The following CCDC148 variants were observed in gnomAD, a reference collection of about 807,000 sequenced individuals.
CCDC148 encodes the protein coiled-coil domain containing 148.
A neutral mutation model predicts 85.7 loss-of-function variants in CCDC148; 89 were observed. The ratio of observed to expected loss-of-function variants is 1.04; its 90% CI spans 0.87 to 1.24. CCDC148 has a LOEUF of 1.24. Among genes scored for constraint, CCDC148 ranks in the 50% most tolerant of loss-of-function variants. The pLI, the probability that CCDC148 is intolerant of heterozygous loss-of-function variation, is 0.00. For synonymous variants in CCDC148, 230 were observed against 213.9 expected (o/e 1.08, Z -0.66); for missense variants, 692 against 671.7 (o/e 1.03, Z -0.33).
At chr2:158,450,967 A>G (rs1688383274) in intron 1 of CCDC148, among the ~76,000 whole-genome samples, 1 of 152,138 alleles carries the variant, frequency 6.6e-6, no homozygotes, top group African/African-American at 2.4e-5. Flanking sequence ...CACAAGTCCC[A>G]GCAGCTTTGT....
chr2:158,224,861 A>G (rs1687412822), intron 10 of CCDC148, among the ~76,000 whole-genome samples: 1 of 152,158 alleles, frequency 6.6e-6, no homozygotes, highest in South Asian at 2.1e-4. Context: ...GCCAAATTGT[A>G]AAGACCATCG....
chr2:158,177,710 T>C (rs1684664066), intron 12 of CCDC148, among the ~76,000 whole-genome samples: 2 of 152,146 alleles, frequency 1.3e-5, no homozygotes, highest in Admixed American at 6.6e-5. Flanking sequence ...TACATTCCTA[T>C]GCTTTAAATT....
chr2:158,190,249 A>T (rs1434952076), intron 11 of CCDC148, among the ~76,000 whole-genome samples: 1 of 151,980 alleles, frequency 6.6e-6, no homozygotes, highest in African/African-American at 2.4e-5. Context: ...TTTTGGAGGG[A>T]CAGCACAGGC....
At position 158,393,806 on chromosome 2, in the gene CCDC148, T is replaced by G. The variant is rs144380517; in HGVS notation, c.26-35236A>C. Among the ~76,000 whole-genome samples, 1,019 of 152,256 alleles carry G rather than the reference T, an allele frequency of 6.7e-3. 15 individuals carry two copies. The highest frequency in any genetic ancestry group is 0.023 in the African/African-American group (972 of 41,570). ...AAGACATTGCTATAGATAACCTTTC[T>G]TGGGAACTAAATAAATGGGTCTTTT... On this transcript the variant is annotated intron_variant, in intron 1 of 13. Coordinates refer to ENST00000283233, the MANE Select transcript of CCDC148 (RefSeq NM_138803.4).
intron 1 of CCDC148, among the ~76,000 whole-genome samples, chr2:158,414,877 C>T (rs1171572565): frequency 6.6e-6 from 1 of 152,148 alleles, no homozygotes; most frequent in Non-Finnish European, 1.5e-5. Context: ...TACATCCAAA[C>T]CCTGTGGTAT....
chr2:158,310,736 A>G (rs1691954805), intron 8 of CCDC148, among the ~76,000 whole-genome samples: 1 of 146,018 alleles, frequency 6.8e-6, no homozygotes, highest in African/African-American at 2.6e-5. Context: ...GCGGCCGGGC[A>G]GAGGCACTCC....
At chr2:158,456,312 C>T (rs1421014950) in intron 1 of CCDC148, 103 bp downstream of exon 1, 1 of 1,180,276 alleles carries the variant, frequency 8.5e-7, no homozygotes, top group Non-Finnish European at 1.2e-6. Context: ...AGATCCACCC[C>T]AGGGAAGGGG....
rs1685304866 is a variant in CCDC148 at position 158,391,462 on chromosome 2, AG to A, written c.26-32893del. The stretch of plus-strand genomic sequence containing the variant: ...CCAAGTAATGAGACTTTATACTACT[AG>A]TTGCTGAAATTGTTTTGCTCTATTA... On this transcript the variant is annotated intron_variant, in intron 1 of 13. Transcript: ENST00000283233. 6.6e-5 allele frequency among the ~76,000 whole-genome samples: 10 copies of A among 152,298 alleles called. No individual in the cohort carries two copies. The South Asian group carries it at 1.9e-3, about 28-fold the overall frequency.
At chr2:158,415,823 T>A (rs941569927) in intron 1 of CCDC148, among the ~76,000 whole-genome samples, 1 of 152,202 alleles carries the variant, frequency 6.6e-6, no homozygotes, top group Non-Finnish European at 1.5e-5. Flanking sequence ...GCCATACTGA[T>A]GTCTGGAGGA....
Position 158,456,498 on chromosome 2 carries a change from C to T in CCDC148, c.-59G>A, listed in dbSNP as rs1688751380. The T allele has an allele frequency of 4.4e-6, 7 of 1,587,752 alleles. No homozygotes were observed. In the African/African-American group the frequency reaches 9.4e-5, roughly 21 times the overall value. On this transcript the variant is annotated 5_prime_UTR_variant, in exon 1 of 14. Coordinates refer to ENST00000283233, the MANE Select transcript of CCDC148 (RefSeq NM_138803.4). ...CCCAAACGCAGGAAAAGTGAAACGCCCACTCCTGGGCTCTCGCCGTCAGGG... is the reference window on the plus strand; with the variant it reads ...CCCAAACGCAGGAAAAGTGAAACGCTCACTCCTGGGCTCTCGCCGTCAGGG...
intron 1 of CCDC148, among the ~76,000 whole-genome samples, chr2:158,437,362 A>G (rs941087049): frequency 1.3e-5 from 2 of 152,204 alleles, no homozygotes; most frequent in Admixed American, 1.3e-4. Context: ...CATAAACAGA[A>G]CCAAAGACAA....
intron 8 of CCDC148, among the ~76,000 whole-genome samples, chr2:158,313,405 C>T (rs1160113155): frequency 2.6e-5 from 4 of 152,148 alleles, no homozygotes; most frequent in Admixed American, 6.5e-5. Flanking sequence ...ATTTCACTTT[C>T]AGGCAAGACC....
chr2:158,391,853 A>G (rs1685322532), intron 1 of CCDC148, among the ~76,000 whole-genome samples: 1 of 152,146 alleles, frequency 6.6e-6, no homozygotes, highest in East Asian at 1.9e-4. Flanking sequence ...ATATCAGGCA[A>G]TAAAGGTTCC....
intron 7 of CCDC148, among the ~76,000 whole-genome samples, chr2:158,334,770 G>A (rs192652228): frequency 1.3e-5 from 2 of 151,810 alleles, no homozygotes; most frequent in Admixed American, 6.6e-5. Flanking sequence ...ACACTCCATA[G>A]TCACATAGAA....
rs186102108 is a variant in CCDC148, at chr2:158,242,259, G to A, written c.1251+8513C>T. Among the ~76,000 whole-genome samples the A allele has an allele frequency of 1.1e-3, 165 of 152,124 alleles. 1 individual carries two copies. Among genetic ancestry groups the A allele is most frequent in the Middle Eastern group, 0.01 (3 of 294 alleles). ...CTCTCATTATTATTATCTTTATCTC[G>A]TTTCTACCTTTTCTATTTGGTTCTC... On this transcript the variant is annotated intron_variant, in intron 10 of 13. Coordinates refer to ENST00000283233, the MANE Select transcript of CCDC148 (RefSeq NM_138803.4).
intron 1 of CCDC148, among the ~76,000 whole-genome samples, chr2:158,362,630 G>A (rs1308016528): frequency 6.6e-6 from 1 of 152,134 alleles, no homozygotes; most frequent in Non-Finnish European, 1.5e-5. Context: ...TGAGAACAAA[G>A]ACACAAGGTA....
At chr2:158,365,336 A>G (rs1006706712) in intron 1 of CCDC148, among the ~76,000 whole-genome samples, 4 of 152,166 alleles carry the variant, frequency 2.6e-5, no homozygotes, top group Non-Finnish European at 5.9e-5. Context: ...AAATCATTCT[A>G]CTATAAAGAC....
chr2:158,352,535 A>T (rs1273740691), intron 2 of CCDC148, among the ~76,000 whole-genome samples: 1 of 152,014 alleles, frequency 6.6e-6, no homozygotes, highest in African/African-American at 2.4e-5. Flanking sequence ...AAAAAAGAAT[A>T]AAAAGAAATG....
At chr2:158,266,927 T>G (rs537180090) in intron 9 of CCDC148, among the ~76,000 whole-genome samples, 1 of 150,698 alleles carries the variant, frequency 6.6e-6, no homozygotes, top group East Asian at 1.9e-4. Flanking sequence ...TATACATATA[T>G]ATGCACACAT....
Sources: gnomAD v4.1 joint callset for allele counts (sites outside exome capture counted in the v4.1 genomes callset) on GRCh38, gnomAD v4.1.1 for gene constraint, MANE v1.5 for transcripts, NCBI Gene and HGNC (gene_info 2026-07-23, HGNC 2026-07-21) for gene names.